ZFHX3: variants seen among roughly 807,000 people sequenced by gnomAD.
The protein encoded by ZFHX3 is zinc finger homeobox protein 3.
ZFHX3 carries 42 observed loss-of-function variants against 279.1 expected under a neutral mutation model. The observed-to-expected ratio is 0.15, with a 90% CI of 0.12 to 0.19. The LOEUF (loss-of-function observed/expected upper bound fraction) is 0.19, where lower values mean the gene tolerates loss of function less well. Among genes scored for constraint, ZFHX3 ranks in the 10% least tolerant of loss-of-function variants. The pLI, the probability that ZFHX3 is intolerant of heterozygous loss-of-function variation, is 1.00. For missense variants in ZFHX3, 4,981 were observed against 4,754.0 expected (o/e 1.05, Z -1.40); for synonymous variants, 2,293 against 1,957.8 (o/e 1.17, Z -4.52).
intron 4 of ZFHX3, among the ~76,000 whole-genome samples, chr16:73,293,049 G>C (rs1432147425): frequency 2.6e-5 from 4 of 152,176 alleles, no homozygotes; most frequent in African/African-American, 4.8e-5. Context: ...AAAGGGAAGA[G>C]ACACTGTGCT....
At chr16:73,478,386 A>G (rs1373735097) in intron 2 of ZFHX3, among the ~76,000 whole-genome samples, 1 of 152,094 alleles carries the variant, frequency 6.6e-6, no homozygotes, top group Non-Finnish European at 1.5e-5. Context: ...TGAGCTATCC[A>G]GGCTTCTTCC....
chr16:72,950,082 GAA>G (rs66812068), intron 3 of ZFHX3, among the ~76,000 whole-genome samples: 42,213 of 135,980 alleles, frequency 0.31, 6,478 homozygotes, highest in African/African-American at 0.37. Flanking sequence ...AGGAGAAATA[GAA>G]AAAAAAAAAA....
intron 3 of ZFHX3, among the ~76,000 whole-genome samples, chr16:73,361,437 A>G (rs1342360013): frequency 6.6e-6 from 1 of 152,264 alleles, no homozygotes; most frequent in Non-Finnish European, 1.5e-5. Flanking sequence ...TCACAGCTGA[A>G]TCGCCCAGCT....
At chr16:73,646,546 T>C (rs1353849255) in intron 2 of ZFHX3, among the ~76,000 whole-genome samples, 1 of 152,050 alleles carries the variant, frequency 6.6e-6, no homozygotes, top group Non-Finnish European at 1.5e-5. Context: ...TGAAAAGATC[T>C]GTAAGATACA....
rs763075418 is a variant in ZFHX3 at position 72,788,425 on chromosome 16, T to C, written c.9851A>G (p.Asp3284Gly). 1.9e-6 allele frequency: 3 copies of C among 1,614,194 alleles called. No individual in the cohort carries two copies. Among genetic ancestry groups the C allele is most frequent in the Non-Finnish European group, 2.5e-6 (3 of 1,180,032 alleles). ...CTGCAGGGCCTGCAGCTGTGCAGGG[T>C]CTACCGCATACTCCATGGTGGGCAG... ...APLPTMEYAV[D>G]PAQLQALQAA... is the part of the protein sequence containing the mutation. Residue 3284 changes from aspartate to glycine, a missense_variant, in exon 10 of 10, where the codon GAC (aspartate) becomes GGC (glycine). Around this residue, in one of 7 missense-constraint regions of ZFHX3, gnomAD observed 1,034 missense variants for 786.0 expected, o/e 1.32. Coordinates refer to ENST00000268489, the MANE Select transcript of ZFHX3 (RefSeq NM_006885.4).
At chr16:73,631,927 T>TCTCTCTCACACACACA (rs1437204921) in intron 2 of ZFHX3, among the ~76,000 whole-genome samples, 2 of 136,728 alleles carry the variant, frequency 1.5e-5, no homozygotes, top group African/African-American at 5.8e-5. Context: ...TCTCTCTCTC[T>TCTCTCTCACACACACA]CACACACACA....
chr16:73,747,513 T>C (rs2053715227), intron 1 of ZFHX3, among the ~76,000 whole-genome samples: 1 of 152,204 alleles, frequency 6.6e-6, no homozygotes, highest in Non-Finnish European at 1.5e-5. Flanking sequence ...CCAAGATTTG[T>C]TTGTTTCTGC....
At chr16:73,462,721 T>C (rs1434133971) in intron 2 of ZFHX3, among the ~76,000 whole-genome samples, 1 of 152,188 alleles carries the variant, frequency 6.6e-6, no homozygotes, top group Non-Finnish European at 1.5e-5. Flanking sequence ...TTATATTGAT[T>C]GATTTTTCAA....
chr16:73,357,101 C>T (rs2016355281), intron 3 of ZFHX3, among the ~76,000 whole-genome samples: 1 of 151,970 alleles, frequency 6.6e-6, no homozygotes, highest in Non-Finnish European at 1.5e-5. Flanking sequence ...CCTTTCCCCA[C>T]TCCTCTACTA....
At chr16:73,294,703 C>A in intron 4 of ZFHX3, among the ~76,000 whole-genome samples, 1 of 151,522 alleles carries the variant, frequency 6.6e-6, no homozygotes, top group East Asian at 2.0e-4. Flanking sequence ...TCCAGCTACT[C>A]AGGGTGGCTG....
chr16:73,665,020 G>A lies in ZFHX3; in HGVS notation c.-1547+15160C>T, dbSNP rs148223631. 4.1e-3 allele frequency among the ~76,000 whole-genome samples: 629 copies of A among 152,282 alleles called. 7 individuals carry two copies. Among genetic ancestry groups the A allele is most frequent in the African/African-American group, 0.014 (592 of 41,560 alleles). On this transcript the variant is annotated intron_variant, in intron 2 of 17. Coordinates refer to the ZFHX3 transcript ENST00000641206. Reference sequence around the variant, plus strand: ...CATTTATTTAACAAATATTGTGTTAGTGCCTCTTGTCTGCTGAAGAGTGCA... The same window carrying A: ...CATTTATTTAACAAATATTGTGTTAATGCCTCTTGTCTGCTGAAGAGTGCA...
At chr16:72,974,917 G>T (rs1285188285) in intron 1 of ZFHX3, among the ~76,000 whole-genome samples, 1 of 152,124 alleles carries the variant, frequency 6.6e-6, no homozygotes, top group East Asian at 1.9e-4. Context: ...TTCCCTCCTA[G>T]ATAACTCACT....
chr16:73,284,328 AAAAAAAAAAAAG>A (rs1302622600), intron 4 of ZFHX3, among the ~76,000 whole-genome samples: 6 of 151,332 alleles, frequency 4.0e-5, no homozygotes, highest in African/African-American at 1.5e-4. Context: ...AAAAAAAAAA[AAAAAAAAAAAAG>A]AAGGAAAATA....
intron 4 of ZFHX3, among the ~76,000 whole-genome samples, chr16:72,859,395 A>G (rs1269626681): frequency 6.6e-6 from 1 of 152,146 alleles, no homozygotes; most frequent in Admixed American, 6.5e-5. Context: ...GACAACCGCT[A>G]TCGTCCCAGA....
At chr16:73,732,481 A>G (rs558904420) in intron 1 of ZFHX3, among the ~76,000 whole-genome samples, 1 of 152,360 alleles carries the variant, frequency 6.6e-6, no homozygotes, top group Admixed American at 6.5e-5. Flanking sequence ...CACTCCTGCT[A>G]TTCTGGTGTT....
At chr16:73,729,812 C>T (rs1312397493) in intron 1 of ZFHX3, among the ~76,000 whole-genome samples, 1 of 152,174 alleles carries the variant, frequency 6.6e-6, no homozygotes, top group Non-Finnish European at 1.5e-5. Context: ...CCATGAGGCT[C>T]TATGGGGTCC....
chr16:72,921,121 C>CA lies in ZFHX3; in HGVS notation c.3216+29347dup, dbSNP rs146329792. Among the ~76,000 whole-genome samples, 1,400 of 145,116 alleles carry CA rather than the reference C, an allele frequency of 9.6e-3. 25 individuals are homozygous for CA. Among genetic ancestry groups the CA allele is most frequent in the African/African-American group, 0.032 (1,255 of 39,452 alleles). ...GCTAATCCAACCAAACTCAGATACT[C>CA]AGAGTGTCCTCGCAGAACATCTAGG... On this transcript the variant is annotated intron_variant, in intron 3 of 9. Transcript: ENST00000268489.
intron 3 of ZFHX3, among the ~76,000 whole-genome samples, chr16:73,319,424 G>A (rs575901730): frequency 6.6e-6 from 1 of 152,060 alleles, no homozygotes; most frequent in Admixed American, 6.6e-5. Context: ...ATCTTTAATT[G>A]GGTCTAATTC....
chr16:73,353,443 A>T (rs181230719), intron 3 of ZFHX3, among the ~76,000 whole-genome samples: 1 of 152,300 alleles, frequency 6.6e-6, no homozygotes, highest in East Asian at 1.9e-4. Flanking sequence ...CCAAACTAAC[A>T]CAATAGTGTT....
Sources: allele counts gnomAD v4.1 joint callset (sites outside exome capture counted in the v4.1 genomes callset), GRCh38; gene constraint gnomAD v4.1.1; regional missense constraint gnomAD v4.1.1; transcripts MANE v1.5; gene names NCBI Gene and HGNC (gene_info 2026-07-23, HGNC 2026-07-21).